PIP5K1B: variants seen among roughly 807,000 people sequenced by gnomAD.
PIP5K1B encodes phosphatidylinositol-4-phosphate 5-kinase type 1 beta, also known as phosphatidylinositol 4-phosphate 5-kinase type-1 beta.
Under a neutral mutation model 67.0 loss-of-function variants are expected in PIP5K1B, and 42 were observed. That is an observed-to-expected ratio of 0.63 (90% CI 0.49 to 0.81). The LOEUF is 0.81. Among genes scored for constraint, PIP5K1B ranks in the 30% least tolerant of loss-of-function variants. PIP5K1B has a pLI of 0.00. For missense variants in PIP5K1B, 459 were observed against 646.3 expected (o/e 0.71, Z 3.14); for synonymous variants, 214 against 231.4 (o/e 0.92, Z 0.68).
chr9:68,854,127 CTTTTT>C (rs36079285), intron 4 of PIP5K1B, among the ~76,000 whole-genome samples: 4 of 107,000 alleles, frequency 3.7e-5, no homozygotes, highest in Non-Finnish European at 5.7e-5. Context: ...AAACAGAAAA[CTTTTT>C]TTTTTTTTTT....
At chr9:68,767,937 G>A (rs1177065252) in intron 2 of PIP5K1B, among the ~76,000 whole-genome samples, 1 of 151,864 alleles carries the variant, frequency 6.6e-6, no homozygotes, top group Non-Finnish European at 1.5e-5. Flanking sequence ...TAAGTTTATA[G>A]TAACAAAAAA....
At chr9:68,804,027 C>T (rs1275009682) in intron 2 of PIP5K1B, among the ~76,000 whole-genome samples, 2 of 151,708 alleles carry the variant, frequency 1.3e-5, no homozygotes, top group South Asian at 2.1e-4. Context: ...TCCAGGAGGC[C>T]GGATTGCTGT....
intron 2 of PIP5K1B, among the ~76,000 whole-genome samples, chr9:68,753,334 T>C (rs1829730787): frequency 7.5e-6 from 1 of 133,020 alleles, no homozygotes; most frequent in South Asian, 2.5e-4. Context: ...TCCCCCCACA[T>C]TTTCTTGATT....
chr9:68,845,067 G>A (rs564369846), intron 4 of PIP5K1B, among the ~76,000 whole-genome samples: 10 of 152,322 alleles, frequency 6.6e-5, no homozygotes, highest in African/African-American at 2.2e-4. Flanking sequence ...CGTATATCGT[G>A]TAGAATTTTA....
intron 2 of PIP5K1B, among the ~76,000 whole-genome samples, chr9:68,788,043 T>G (rs1035091364): frequency 6.6e-6 from 1 of 152,188 alleles, no homozygotes; most frequent in Non-Finnish European, 1.5e-5. Context: ...GAAACCATGT[T>G]AAAAATAGTT....
At chr9:68,828,698 T>C (rs912837264) in intron 4 of PIP5K1B, among the ~76,000 whole-genome samples, 1 of 152,224 alleles carries the variant, frequency 6.6e-6, no homozygotes, top group African/African-American at 2.4e-5. Flanking sequence ...TTATAAAATG[T>C]TTCTGACAGC....
intron 15 of PIP5K1B, among the ~76,000 whole-genome samples, chr9:68,997,973 CTT>C (rs11454187): frequency 6.9e-6 from 1 of 145,206 alleles, no homozygotes. Flanking sequence ...AGCTTTTTTT[CTT>C]TTTTTTTTTC....
At chr9:68,949,209 G>A (rs1262205496) in intron 14 of PIP5K1B, among the ~76,000 whole-genome samples, 1 of 152,124 alleles carries the variant, frequency 6.6e-6, no homozygotes, top group Non-Finnish European at 1.5e-5. Context: ...TGGAAGAATG[G>A]TTTGCTGGTA....
chr9:68,786,729 G>C (rs1171171123), intron 2 of PIP5K1B, among the ~76,000 whole-genome samples: 1 of 151,806 alleles, frequency 6.6e-6, no homozygotes, highest in Non-Finnish European at 1.5e-5. Context: ...TTTATTCAAA[G>C]ATTTAGGGGA....
intron 1 of PIP5K1B, among the ~76,000 whole-genome samples, chr9:68,720,603 T>G (rs1827838475): frequency 6.6e-6 from 1 of 152,210 alleles, no homozygotes; most frequent in Non-Finnish European, 1.5e-5. Context: ...TTCTCTTCTA[T>G]TCTCACTTCT....
At chr9:69,006,994 A>T (rs1281756978) in intron 15 of PIP5K1B, among the ~76,000 whole-genome samples, 1 of 152,178 alleles carries the variant, frequency 6.6e-6, no homozygotes, top group Non-Finnish European at 1.5e-5. Context: ...AATGTGGGCA[A>T]CGTCCCACTT....
chr9:68,764,208 C>T (rs1257585938), intron 2 of PIP5K1B, among the ~76,000 whole-genome samples: 1 of 143,228 alleles, frequency 7.0e-6, no homozygotes, highest in East Asian at 2.2e-4. Context: ...TTGGGGTTTA[C>T]TTTTATCTCA....
intron 14 of PIP5K1B, among the ~76,000 whole-genome samples, chr9:68,962,787 G>A (rs1192210860): frequency 1.3e-5 from 2 of 152,120 alleles, no homozygotes; most frequent in Non-Finnish European, 2.9e-5. Context: ...GGTTTATCAG[G>A]TAAATAAGAG....
intron 14 of PIP5K1B, among the ~76,000 whole-genome samples, chr9:68,941,730 C>A (rs978503103): frequency 1.3e-5 from 2 of 152,178 alleles, no homozygotes; most frequent in Admixed American, 6.5e-5. Context: ...CATCTCCAGG[C>A]TAGCAGTTCA....
Position 68,923,316 on chromosome 9 carries a change from T to G in PIP5K1B, c.1131T>G (p.Val377=), listed in dbSNP as rs951581664. ...TGTCTTTTCAGGACACTGTTTCTGT[T>G]CATAGACCAAGCTTTTATGCAGACA... The part of the protein sequence containing the change: ...ALVYDGDTVS[V]HRPSFYADRF... Residue 377 remains valine (V), a synonymous_variant, in exon 12 of 16, where the codon GTT becomes GTG. Coordinates refer to ENST00000265382, the MANE Select transcript of PIP5K1B (RefSeq NM_003558.4). 6.3e-7 allele frequency: 1 copy of G among 1,599,194 alleles called. No individual in the cohort carries two copies. The highest frequency in any genetic ancestry group is 8.5e-7 in the Non-Finnish European group (1 of 1,170,022).
chr9:68,961,456 A>T (rs934336425), intron 14 of PIP5K1B, among the ~76,000 whole-genome samples: 1 of 152,214 alleles, frequency 6.6e-6, no homozygotes, highest in African/African-American at 2.4e-5. Flanking sequence ...CATATGATAT[A>T]TCAATAAAAC....
At chr9:68,975,091 G>C (rs1307301512) in intron 14 of PIP5K1B, among the ~76,000 whole-genome samples, 2 of 152,224 alleles carry the variant, frequency 1.3e-5, no homozygotes, top group African/African-American at 4.8e-5. Context: ...CTGGTTTTGA[G>C]ACAGTTTTGC....
intron 2 of PIP5K1B, among the ~76,000 whole-genome samples, chr9:68,774,016 T>C (rs1830789828): frequency 6.6e-6 from 1 of 152,122 alleles, no homozygotes; most frequent in African/African-American, 2.4e-5. Flanking sequence ...TCTGTTCCAT[T>C]TCATGAATTA....
intron 2 of PIP5K1B, among the ~76,000 whole-genome samples, chr9:68,817,450 T>C (rs759802226): frequency 1.3e-5 from 2 of 152,248 alleles, no homozygotes; most frequent in African/African-American, 4.8e-5. Flanking sequence ...ATTCCTGCTC[T>C]GGTTAAGGTA....
Sources: allele counts gnomAD v4.1 joint callset (sites outside exome capture counted in the v4.1 genomes callset), GRCh38; gene constraint gnomAD v4.1.1; transcripts MANE v1.5; gene names NCBI Gene and HGNC (gene_info 2026-07-23, HGNC 2026-07-21).